Variants in DNAH11 observed in about 807,000 individuals in gnomAD.
DNAH11 encodes axonemal beta dynein heavy chain 11.
DNAH11 carries 442 observed loss-of-function variants against 526.0 expected under a neutral mutation model. The ratio of observed to expected loss-of-function variants is 0.84; its 90% CI spans 0.78 to 0.91. DNAH11 has a LOEUF of 0.91. Ranked by LOEUF, DNAH11 falls within the 40% of genes least tolerant of loss-of-function variation. DNAH11 has a pLI of 0.00. For missense variants in DNAH11, 6,989 were observed against 5,448.7 expected (o/e 1.28, Z -8.90); for synonymous variants, 2,461 against 1,935.9 (o/e 1.27, Z -7.12).
Position 21,744,584 on chromosome 7 carries a change from T to C in DNAH11, c.8301T>C (p.Ala2767=), listed in dbSNP as rs1786060176. Reference sequence around the variant, plus strand: ...TTCAGAGAAGAATGCTGGAAACTGCTTATAAATATTTTGAAGTAAGCGTAT... The same window carrying C: ...TTCAGAGAAGAATGCTGGAAACTGCCTATAAATATTTTGAAGTAAGCGTAT... The part of the protein sequence containing the change: ...DLFQRRMLET[A]YKYFEGIDSH... The change falls in exon 50 of 82, where the codon GCT becomes GCC. Residue 2767 remains alanine (A), a synonymous_variant. Coordinates refer to ENST00000409508, the MANE Select transcript of DNAH11 (RefSeq NM_001277115.2). 2 of 1,613,004 alleles carry C rather than the reference T, an allele frequency of 1.2e-6. No homozygotes were observed. Among genetic ancestry groups the C allele is most frequent in the Non-Finnish European group, 1.7e-6 (2 of 1,179,724 alleles).
chr7:21,562,229 G>C (rs912251505), intron 5 of DNAH11, among the ~76,000 whole-genome samples: 5 of 152,068 alleles, frequency 3.3e-5, no homozygotes, highest in Admixed American at 1.3e-4. Context: ...GTTGTGGGGG[G>C]CCATCTTACA....
chr7:21,691,022 C>G, intron 35 of DNAH11, 141 bp downstream of exon 35: 1 of 627,384 alleles, frequency 1.6e-6, no homozygotes. Context: ...CTTTTATAGA[C>G]AGAACTTTCA....
intron 45 of DNAH11, among the ~76,000 whole-genome samples, chr7:21,731,031 C>G (rs2906678): frequency 0.65 from 98,563 of 151,678 alleles, 32,455 homozygotes; most frequent in South Asian, 0.73. Flanking sequence ...ATAATCCCAG[C>G]TACTCGGGAG....
chr7:21,547,345 C>T (rs1461007879), intron 2 of DNAH11, among the ~76,000 whole-genome samples: 1 of 152,104 alleles, frequency 6.6e-6, no homozygotes, highest in Non-Finnish European at 1.5e-5. Context: ...CCTTCCAAAC[C>T]CAAAGGATGG....
At chr7:21,708,556 A>G (rs894658029) in intron 40 of DNAH11, among the ~76,000 whole-genome samples, 5 of 152,154 alleles carry the variant, frequency 3.3e-5, no homozygotes, top group Non-Finnish European at 7.4e-5. Context: ...TTTGATTTCT[A>G]GTGGGTTCCA....
At chr7:21,749,037 C>A (rs1298662158) in intron 52 of DNAH11, among the ~76,000 whole-genome samples, 1 of 152,086 alleles carries the variant, frequency 6.6e-6, no homozygotes, top group Non-Finnish European at 1.5e-5. Flanking sequence ...TTCTATTAAT[C>A]AAACCTGATG....
At chr7:21,547,444 G>A (rs977124081) in intron 2 of DNAH11, among the ~76,000 whole-genome samples, 10 of 152,226 alleles carry the variant, frequency 6.6e-5, no homozygotes, top group African/African-American at 2.4e-4. Flanking sequence ...ACCCGGGGCA[G>A]TTACAGCAGG....
At chr7:21,717,726 G>T (rs371276404) in intron 42 of DNAH11, 49 bp from the exon 43 acceptor site, 1 of 1,606,434 alleles carries the variant, frequency 6.2e-7, no homozygotes, top group African/African-American at 1.3e-5. Flanking sequence ...GTGAAATTCT[G>T]CTTTTCAAGC....
At chr7:21,835,863 C>T (rs901155512) in intron 65 of DNAH11, among the ~76,000 whole-genome samples, 2 of 133,560 alleles carry the variant, frequency 1.5e-5, no homozygotes, top group Non-Finnish European at 3.1e-5. Context: ...GCCCCAAAGA[C>T]TCCTCAAAAA....
At chr7:21,619,930 A>G in intron 24 of DNAH11, 26 bp from the exon 25 acceptor site, 4 of 1,536,980 alleles carry the variant, frequency 2.6e-6, no homozygotes, top group Non-Finnish European at 3.5e-6. Context: ...AATTTTGTGC[A>G]CATTAATTAT....
intron 54 of DNAH11, among the ~76,000 whole-genome samples, chr7:21,757,951 G>A (rs1292440325): frequency 1.3e-5 from 2 of 152,152 alleles, no homozygotes; most frequent in African/African-American, 2.4e-5. Context: ...TTGTAAAGTC[G>A]AGTCTCTTCA....
At chr7:21,729,870 G>T (rs1443596151) in intron 45 of DNAH11, among the ~76,000 whole-genome samples, 1 of 152,042 alleles carries the variant, frequency 6.6e-6, no homozygotes, top group Non-Finnish European at 1.5e-5. Context: ...ACTTTTTTAG[G>T]TATCTGTTAC....
chr7:21,620,854 G>C (rs1208399048), intron 25 of DNAH11, among the ~76,000 whole-genome samples: 2 of 151,214 alleles, frequency 1.3e-5, no homozygotes, highest in Non-Finnish European at 2.9e-5. Flanking sequence ...TGAGAATGAT[G>C]ATTTCCAATT....
Position 21,861,854 on chromosome 7 carries a change from CT to C in DNAH11, c.11208del (p.Phe3736LeufsTer25). 6.2e-7 allele frequency: 1 copy of C among 1,610,452 alleles called. No homozygotes were observed. The highest frequency in any genetic ancestry group is 8.5e-7 in the Non-Finnish European group (1 of 1,178,532). ...TAATGGTCACATTAAATTTCCCAGG[CT>C]TTTAACGTGCTGTTCCACAGAGCGA... ...INPLYQFSLK[A>X]FNVLFHRAIE... On this transcript the variant is annotated frameshift_variant and splice_region_variant, in exon 69 of 82. Transcript: ENST00000409508. LOFTEE classifies it high-confidence loss of function.
intron 62 of DNAH11, among the ~76,000 whole-genome samples, chr7:21,806,263 G>A (rs538752213): frequency 1.3e-5 from 2 of 152,188 alleles, no homozygotes; most frequent in African/African-American, 2.4e-5. Context: ...AGAATGAGTT[G>A]GATACATTTT....
chr7:21,659,799 G>C (rs1010643027), intron 30 of DNAH11, among the ~76,000 whole-genome samples: 1 of 152,074 alleles, frequency 6.6e-6, no homozygotes, highest in African/African-American at 2.4e-5. Context: ...TGCTTTAGCA[G>C]TACTTTTACT....
chr7:21,558,260 T>C (rs191723468), intron 2 of DNAH11, among the ~76,000 whole-genome samples: 1 of 152,302 alleles, frequency 6.6e-6, no homozygotes, highest in Admixed American at 6.5e-5. Flanking sequence ...GCTCTAGAAA[T>C]AGGAAAAATA....
At chr7:21,717,665 G>T in intron 42 of DNAH11, 110 bp from the exon 43 acceptor site, 5 of 1,295,016 alleles carry the variant, frequency 3.9e-6, no homozygotes, top group Non-Finnish European at 5.3e-6. Context: ...CACTAAACGT[G>T]TCCTTGAAGT....
chr7:21,643,593 A>G (rs917639784), intron 28 of DNAH11, among the ~76,000 whole-genome samples: 2 of 152,182 alleles, frequency 1.3e-5, no homozygotes, highest in African/African-American at 4.8e-5. Flanking sequence ...TTTTTATTGT[A>G]ATGAATTGCA....
Sources: allele counts gnomAD v4.1 joint callset (sites outside exome capture counted in the v4.1 genomes callset), GRCh38; gene constraint gnomAD v4.1.1; transcripts MANE v1.5; gene names NCBI Gene and HGNC (gene_info 2026-07-23, HGNC 2026-07-21).